TMTC2: variants seen among roughly 807,000 people sequenced by gnomAD.
TMTC2 encodes the protein protein O-mannosyl-transferase TMTC2.
In TMTC2, 43 loss-of-function variants were observed where a neutral mutation model predicts 82.4. The observed-to-expected ratio is 0.52, with a 90% CI of 0.41 to 0.67. TMTC2 has a LOEUF of 0.67. Ranked by LOEUF, TMTC2 falls within the 30% of genes least tolerant of loss-of-function variation. TMTC2 has a pLI of 0.00. For synonymous variants in TMTC2, 408 were observed against 381.9 expected (o/e 1.07, Z -0.80); for missense variants, 919 against 1,012.4 (o/e 0.91, Z 1.25).
intron 1 of TMTC2, among the ~76,000 whole-genome samples, chr12:82,713,600 G>C (rs1358604600): frequency 6.6e-6 from 1 of 152,188 alleles, no homozygotes; most frequent in Non-Finnish European, 1.5e-5. Context: ...GAACTCATCA[G>C]ATCTCGTGAG....
intron 2 of TMTC2, among the ~76,000 whole-genome samples, chr12:82,890,471 G>T (rs1873339670): frequency 6.6e-6 from 1 of 152,094 alleles, no homozygotes; most frequent in Admixed American, 6.5e-5. Context: ...TTTATGTTTT[G>T]TTATGGTTTG....
intron 2 of TMTC2, among the ~76,000 whole-genome samples, chr12:82,891,754 T>C (rs189009731): frequency 1.5e-4 from 23 of 152,322 alleles, no homozygotes; most frequent in African/African-American, 5.1e-4. Context: ...GTTTGTTACA[T>C]AGGTGAACGT....
At position 82,937,424 on chromosome 12, in the gene TMTC2, A is replaced by G. The variant is rs150252082; in HGVS notation, c.1598+6879A>G. ...CCATCTTCTTAAAAGGACATCAGTC[A>G]TATGGGATTGGGGCCTACCCATAAT... is the stretch of plus-strand genomic sequence containing the variant. On this transcript the variant is annotated intron_variant, in intron 4 of 11. Coordinates refer to ENST00000321196, the MANE Select transcript of TMTC2 (RefSeq NM_152588.3). Among the ~76,000 whole-genome samples the G allele has an allele frequency of 3.5e-3, 529 of 152,306 alleles. 3 individuals are homozygous for G. Among genetic ancestry groups the G allele is most frequent in the Non-Finnish European group, 5.3e-3 (363 of 68,034 alleles).
chr12:82,948,101 T>C lies in TMTC2; in HGVS notation c.1599-16923T>C, dbSNP rs1302837234. Among the ~76,000 whole-genome samples, 4 of 152,208 alleles carry C rather than the reference T, an allele frequency of 2.6e-5. No homozygotes were observed. The East Asian group carries it at 7.7e-4, about 29-fold the overall frequency. ...ATTGTTACAGGCCAAGCTCAGTGGCTCACATCTGTAATCCAGCACTTTGGG... is the reference window on the plus strand; with the variant it reads ...ATTGTTACAGGCCAAGCTCAGTGGCCCACATCTGTAATCCAGCACTTTGGG... On this transcript the variant is annotated intron_variant, in intron 4 of 11. Transcript: ENST00000321196.
At chr12:83,032,754 T>C (rs1221124177) in intron 9 of TMTC2, among the ~76,000 whole-genome samples, 1 of 152,024 alleles carries the variant, frequency 6.6e-6, no homozygotes, top group Admixed American at 6.6e-5. Context: ...AGAGATAGGG[T>C]TTCACCATGT....
intron 8 of TMTC2, among the ~76,000 whole-genome samples, chr12:83,014,621 G>T (rs1434118372): frequency 2.6e-5 from 4 of 152,188 alleles, no homozygotes; most frequent in Non-Finnish European, 4.4e-5. Context: ...TTACAGGCAT[G>T]AGCCAGTCCT....
chr12:83,052,780 G>A (rs1481872624), intron 10 of TMTC2, among the ~76,000 whole-genome samples: 1 of 152,080 alleles, frequency 6.6e-6, no homozygotes, highest in Non-Finnish European at 1.5e-5. Context: ...TTGCCTTAGT[G>A]CTAGAAACCA....
chr12:82,876,069 A>ATTAGTATTCATAATGGTGGTGGTGG, intron 2 of TMTC2, among the ~76,000 whole-genome samples: 1 of 102,214 alleles, frequency 9.8e-6, no homozygotes, highest in African/African-American at 5.5e-5. Context: ...GGTGGTGGTG[A>ATTAGTATTCATAATGGTGGTGGTGG]TGATGATGAT....
chr12:82,687,361 T>G lies in TMTC2; in HGVS notation c.-226T>G. ...TTGCGGGCGCCGGGCATGGGGAGTG[T>G]GGTGTGAGCCCGCACCCGGGGAGGA... On this transcript the variant is annotated 5_prime_UTR_variant, in exon 1 of 12. Coordinates refer to ENST00000321196, the MANE Select transcript of TMTC2 (RefSeq NM_152588.3). The G allele has an allele frequency of 1.8e-6, 1 of 559,522 alleles. No homozygotes were observed. Among genetic ancestry groups the G allele is most frequent in the Non-Finnish European group, 3.2e-6 (1 of 315,666 alleles). 34.7% of individuals were successfully genotyped at this position (559,522 alleles called of 1,614,324 possible).
intron 1 of TMTC2, among the ~76,000 whole-genome samples, chr12:82,718,262 C>A (rs570717958): frequency 5.9e-5 from 9 of 152,236 alleles, no homozygotes; most frequent in Admixed American, 3.3e-4. Context: ...AAGCAAAAAT[C>A]AAAAAACTGC....
intron 4 of TMTC2, among the ~76,000 whole-genome samples, chr12:82,958,929 A>G (rs1337911465): frequency 6.6e-6 from 1 of 152,150 alleles, no homozygotes; most frequent in Non-Finnish European, 1.5e-5. Flanking sequence ...AGAAAACCCT[A>G]AAGACTCTGC....
chr12:82,832,423 A>G (rs1869801606), intron 1 of TMTC2, among the ~76,000 whole-genome samples: 1 of 151,738 alleles, frequency 6.6e-6, no homozygotes, highest in South Asian at 2.1e-4. Flanking sequence ...TATAGTATAC[A>G]TTTTCAGACT....
chr12:82,813,683 C>T (rs1868526960), intron 1 of TMTC2, among the ~76,000 whole-genome samples: 1 of 152,054 alleles, frequency 6.6e-6, no homozygotes, highest in Non-Finnish European at 1.5e-5. Flanking sequence ...TGCCTACCCT[C>T]CCTACCCTTT....
intron 1 of TMTC2, among the ~76,000 whole-genome samples, chr12:82,691,139 A>G (rs1399093903): frequency 6.6e-6 from 1 of 152,204 alleles, no homozygotes; most frequent in Non-Finnish European, 1.5e-5. Context: ...CAACTTTTAC[A>G]TGCTTTAAAT....
At chr12:82,997,728 T>G (rs1245164793) in intron 8 of TMTC2, among the ~76,000 whole-genome samples, 2 of 151,788 alleles carry the variant, frequency 1.3e-5, no homozygotes, top group Non-Finnish European at 2.9e-5. Flanking sequence ...ATGTACAAAA[T>G]CCATTTCCAA....
At chr12:82,777,397 CAA>C (rs1877655470) in intron 1 of TMTC2, among the ~76,000 whole-genome samples, 1 of 152,070 alleles carries the variant, frequency 6.6e-6, no homozygotes, top group African/African-American at 2.4e-5. Flanking sequence ...GGGAGTAGAA[CAA>C]ATAGAATCAA....
intron 11 of TMTC2, among the ~76,000 whole-genome samples, chr12:83,068,993 A>G (rs1883015795): frequency 6.6e-6 from 1 of 152,144 alleles, no homozygotes; most frequent in Admixed American, 6.5e-5. Flanking sequence ...TTCACTTAGA[A>G]TAATAGTCTC....
intron 1 of TMTC2, among the ~76,000 whole-genome samples, chr12:82,749,511 G>T (rs1232136950): frequency 2.0e-5 from 3 of 151,704 alleles, no homozygotes; most frequent in Admixed American, 6.6e-5. Flanking sequence ...TTTTAATTTG[G>T]TATAAAAGCT....
chr12:82,778,021 C>T (rs1159596702), intron 1 of TMTC2, among the ~76,000 whole-genome samples: 1 of 151,966 alleles, frequency 6.6e-6, no homozygotes, highest in Non-Finnish European at 1.5e-5. Context: ...CATTTTTTCA[C>T]CCAGATACAA....
Sources: allele counts gnomAD v4.1 joint callset (sites outside exome capture counted in the v4.1 genomes callset), GRCh38; gene constraint gnomAD v4.1.1; transcripts MANE v1.5; gene names NCBI Gene and HGNC (gene_info 2026-07-23, HGNC 2026-07-21).